RAB3IP: variants seen among roughly 807,000 people sequenced by gnomAD.
The protein encoded by RAB3IP is rab-3A-interacting protein.
Under a neutral mutation model 59.1 loss-of-function variants are expected in RAB3IP, and 36 were observed. The ratio of observed to expected loss-of-function variants is 0.61; its 90% CI spans 0.47 to 0.80. The LOEUF (loss-of-function observed/expected upper bound fraction) is 0.80. Among genes scored for constraint, RAB3IP ranks in the 30% least tolerant of loss-of-function variants. The pLI is 0.00. For synonymous variants in RAB3IP, 207 were observed against 191.2 expected, an observed-to-expected ratio of 1.08 and a Z score of -0.68; for missense variants, 511 against 536.0, an observed-to-expected ratio of 0.95 and a Z score of 0.46.
intron 6 of RAB3IP, among the ~76,000 whole-genome samples, chr12:69,798,739 A>G (rs966851180): frequency 6.6e-6 from 1 of 152,220 alleles, no homozygotes; most frequent in Non-Finnish European, 1.5e-5. Context: ...AGCTTTCTAC[A>G]TAGGGCTAGC....
At chr12:69,788,929 A>G (rs775226892) in intron 4 of RAB3IP, among the ~76,000 whole-genome samples, 103 of 152,252 alleles carry the variant, frequency 6.8e-4, no homozygotes, top group Non-Finnish European at 1.3e-3. Flanking sequence ...AAACTAAACA[A>G]TGATATCCTT....
chr12:69,797,931 C>T (rs1443740850), intron 6 of RAB3IP, among the ~76,000 whole-genome samples: 1 of 152,126 alleles, frequency 6.6e-6, no homozygotes, highest in African/African-American at 2.4e-5. Flanking sequence ...CATTGTTGGA[C>T]ATTTGGGTTG....
At chr12:69,780,875 T>TTA (rs1330388675) in intron 3 of RAB3IP, among the ~76,000 whole-genome samples, 3 of 152,196 alleles carry the variant, frequency 2.0e-5, no homozygotes, top group African/African-American at 7.2e-5. Flanking sequence ...TCAAATGCAT[T>TTA]TATATATCTT....
At chr12:69,765,174 A>G (rs73133457) in intron 3 of RAB3IP, among the ~76,000 whole-genome samples, 16,303 of 152,056 alleles carry the variant, frequency 0.11, 1,204 homozygotes, top group Middle Eastern at 0.17. Flanking sequence ...TTCCAGTACT[A>G]TGTTGAATAG....
chr12:69,786,732 G>GA (rs529265297), intron 4 of RAB3IP, among the ~76,000 whole-genome samples: 37 of 152,238 alleles, frequency 2.4e-4, no homozygotes, highest in African/African-American at 7.7e-4. Flanking sequence ...AATAGAAGTA[G>GA]AAAAAACAGA....
At chr12:69,739,531 G>C in intron 1 of RAB3IP, 1 of 429,034 alleles carries the variant, frequency 2.3e-6, no homozygotes, top group East Asian at 4.7e-5. Flanking sequence ...TGTGGACCTG[G>C]GGTGGTTTCG....
intron 8 of RAB3IP, among the ~76,000 whole-genome samples, chr12:69,806,123 G>T (rs1189443880): frequency 6.6e-6 from 1 of 152,156 alleles, no homozygotes; most frequent in Non-Finnish European, 1.5e-5. Flanking sequence ...AATCCATCTG[G>T]TCTGGACTTT....
rs373842287 is a variant in RAB3IP at position 69,815,361 on chromosome 12, T to C, written c.1301-3T>C. ...TAAATATCTCTCTTTTCTGTTTGTATAGTTGATCAGATGTTTTGGGAGGTT... is the reference window on the plus strand; with the variant it reads ...TAAATATCTCTCTTTTCTGTTTGTACAGTTGATCAGATGTTTTGGGAGGTT... On this transcript the variant is annotated splice_region_variant and splice_polypyrimidine_tract_variant and intron_variant, in intron 10 of 10. Transcript: ENST00000247833. 14 of 1,592,402 alleles carry C rather than the reference T, an allele frequency of 8.8e-6. No homozygotes were observed. Among genetic ancestry groups the C allele is most frequent in the Non-Finnish European group, 1.0e-5 (12 of 1,160,724 alleles).
chr12:69,784,732 A>C lies in RAB3IP; in HGVS notation c.523A>C (p.Lys175Gln). The change falls in exon 4 of 11, where the codon AAA (lysine) becomes CAA (glutamine). Residue 175 changes from lysine to glutamine, a missense_variant. Transcript: ENST00000247833. ...CAATTTCTCTTAGGAACTGAAGTTA[A>C]AAGATGAAGAATGTGAGAGGCTTTC... is the stretch of plus-strand genomic sequence containing the variant. ...LAKAQRELKL[K>Q]DEECERLSKV... 6.2e-7 allele frequency: 1 copy of C among 1,601,666 alleles called. No homozygotes were observed. Among genetic ancestry groups the C allele is most frequent in the Non-Finnish European group, 8.5e-7 (1 of 1,172,384 alleles).
At chr12:69,760,382 G>A (rs1398577131) in intron 3 of RAB3IP, among the ~76,000 whole-genome samples, 1 of 151,894 alleles carries the variant, frequency 6.6e-6, no homozygotes, top group South Asian at 2.1e-4. Context: ...AAGAGAGGGC[G>A]AGGGAGACCG....
intron 1 of RAB3IP, among the ~76,000 whole-genome samples, chr12:69,745,576 T>G (rs1381072103): frequency 6.6e-6 from 1 of 152,206 alleles, no homozygotes; most frequent in Non-Finnish European, 1.5e-5. Context: ...TCAATAGCAG[T>G]GCTTTAGAGA....
intron 3 of RAB3IP, among the ~76,000 whole-genome samples, chr12:69,784,252 G>A (rs1875246411): frequency 6.6e-6 from 1 of 151,894 alleles, no homozygotes; most frequent in East Asian, 1.9e-4. Flanking sequence ...TCTCCTAATA[G>A]ATATTTTAGG....
intron 1 of RAB3IP, among the ~76,000 whole-genome samples, chr12:69,740,453 A>G (rs909922218): frequency 6.6e-6 from 1 of 152,240 alleles, no homozygotes; most frequent in Non-Finnish European, 1.5e-5. Flanking sequence ...TTTTTTAACT[A>G]TTAAATGAAA....
At chr12:69,742,556 C>A (rs978663100) in intron 1 of RAB3IP, among the ~76,000 whole-genome samples, 2 of 152,150 alleles carry the variant, frequency 1.3e-5, no homozygotes, top group African/African-American at 4.8e-5. Context: ...CTCTAGTCTA[C>A]AAGTGCTTCG....
At chr12:69,783,247 A>G (rs770202301) in intron 3 of RAB3IP, among the ~76,000 whole-genome samples, 1 of 152,176 alleles carries the variant, frequency 6.6e-6, no homozygotes, top group Non-Finnish European at 1.5e-5. Context: ...GTGTGTGTGT[A>G]GCTCCTTTGT....
At chr12:69,813,761 A>T (rs1484784603) in intron 10 of RAB3IP, among the ~76,000 whole-genome samples, 3 of 152,062 alleles carry the variant, frequency 2.0e-5, no homozygotes, top group Non-Finnish European at 4.4e-5. Context: ...TTAAAGTTTT[A>T]CAAAATTTCC....
rs771672987 is a variant in RAB3IP at position 69,795,207 on chromosome 12, C to G, written c.751C>G (p.Pro251Ala). 1 of 1,614,032 alleles carries G rather than the reference C, an allele frequency of 6.2e-7. No individual in the cohort carries two copies. The highest frequency in any genetic ancestry group is 8.5e-7 in the Non-Finnish European group (1 of 1,179,938). Residue 251 changes from proline (P) to alanine (A), a missense_variant, in exon 6 of 11, where the codon CCT (proline) becomes GCT (alanine). By Grantham distance (27) the Pro-to-Ala change is conservative. Transcript: ENST00000247833. ...TLVLSSSPTS[P>A]TQEPLPGGKT... is the part of the protein sequence containing the mutation. ...TGTATTGTCCAGTTCTCCAACATCA[C>G]CTACGCAGGAGCCTTTGCCAGGTGG...
At position 69,821,772 on chromosome 12, in the gene RAB3IP, C is replaced by G. The variant is rs1298247594; in HGVS notation, c.*6326C>G. The stretch of plus-strand genomic sequence containing the variant: ...AACACTTGGGTGGAGCTGAGTGACT[C>G]CACCTGTCGGGTGGCTACACCCTTG... On this transcript the variant is annotated 3_prime_UTR_variant, in exon 11 of 11. Transcript: ENST00000247833. 6 of 152,178 alleles carry G rather than the reference C, an allele frequency of 3.9e-5. No individual in the cohort carries two copies. Among genetic ancestry groups the G allele is most frequent in the African/African-American group, 1.4e-4 (6 of 41,426 alleles). The allele number at this position is 152,178 out of a possible 1,614,324, so 9.4% of individuals were successfully genotyped here.
chr12:69,753,049 A>AT (rs1869591214), intron 1 of RAB3IP, among the ~76,000 whole-genome samples: 1 of 152,180 alleles, frequency 6.6e-6, no homozygotes, highest in African/African-American at 2.4e-5. Flanking sequence ...GACTAGTTTC[A>AT]TTTTGAAGAA....
Sources: gnomAD v4.1 joint callset for allele counts (sites outside exome capture counted in the v4.1 genomes callset) on GRCh38, gnomAD v4.1.1 for gene constraint, MANE v1.5 for transcripts, NCBI Gene and HGNC (gene_info 2026-07-23, HGNC 2026-07-21) for gene names.